The following FKBP5 variants were observed in gnomAD, a reference collection of about 807,000 sequenced individuals.
FKBP5 encodes the protein FKBP prolyl isomerase 5.
A neutral mutation model predicts 50.5 loss-of-function variants in FKBP5; 23 were observed. The observed-to-expected ratio is 0.46, with a 90% CI of 0.33 to 0.65. The LOEUF is 0.65. Among genes scored for constraint, FKBP5 ranks in the 30% least tolerant of loss-of-function variants. FKBP5 has a pLI of 0.02. For missense variants in FKBP5, 411 were observed against 553.1 expected, an observed-to-expected ratio of 0.74 and a Z score of 2.58; for synonymous variants, 176 against 190.6, an observed-to-expected ratio of 0.92 and a Z score of 0.63.
In FKBP5 at chr6:35,577,616, C is replaced by T. The variant is rs186618947; in HGVS notation, c.1027-383G>A. ...GTTTGGTTACTAGCATGTGGACAAA[C>T]AGCTCAGTGGAACAGAACGAATCAT... On this transcript the variant is annotated intron_variant, in intron 9 of 10. Coordinates refer to ENST00000357266, the MANE Select transcript of FKBP5 (RefSeq NM_004117.4). Among the ~76,000 whole-genome samples, 25 of 152,326 alleles carry T rather than the reference C, an allele frequency of 1.6e-4. No individual in the cohort carries two copies. The East Asian group carries it at 3.9e-3, about 23-fold the overall frequency.
At chr6:35,616,092 C>T (rs926826065) in intron 5 of FKBP5, among the ~76,000 whole-genome samples, 1 of 152,084 alleles carries the variant, frequency 6.6e-6, no homozygotes, top group African/African-American at 2.4e-5. Flanking sequence ...GCGGGTGTAT[C>T]ACCCAAGGTC....
intron 2 of FKBP5, among the ~76,000 whole-genome samples, chr6:35,716,200 C>T (rs1056802593): frequency 2.6e-5 from 4 of 151,840 alleles, no homozygotes; most frequent in African/African-American, 7.3e-5. Flanking sequence ...AGGGAGACCT[C>T]GTTTCTAAAA....
chr6:35,626,255 T>C (rs947643904), intron 3 of FKBP5, among the ~76,000 whole-genome samples: 2 of 152,208 alleles, frequency 1.3e-5, no homozygotes, highest in African/African-American at 2.4e-5. Context: ...TATGTAACTA[T>C]AGGCAGGTGA....
rs967496254 is a variant in FKBP5 at position 35,580,893 on chromosome 6, A to G, written c.841-672T>C. 19 of 985,240 alleles carry G rather than the reference A, an allele frequency of 1.9e-5. No individual in the cohort carries two copies. The African/African-American group carries it at 3.3e-4, about 17-fold the overall frequency. 61.0% of individuals were successfully genotyped at this position (985,240 alleles called of 1,614,324 possible). On this transcript the variant is annotated intron_variant, in intron 8 of 10. Coordinates refer to ENST00000357266, the MANE Select transcript of FKBP5 (RefSeq NM_004117.4). ...GAGCAGTTTTAGACTATGCCACTAA[A>G]AAAATGAAAAGGAAGTTACTTTTCT...
At chr6:35,625,641 C>A (rs1214350726) in intron 3 of FKBP5, among the ~76,000 whole-genome samples, 2 of 148,956 alleles carry the variant, frequency 1.3e-5, no homozygotes, top group African/African-American at 2.5e-5. Context: ...GAGGCTGAGG[C>A]AGGAGAATGG....
At chr6:35,636,488 T>G (rs1271533968) in intron 3 of FKBP5, among the ~76,000 whole-genome samples, 1 of 152,228 alleles carries the variant, frequency 6.6e-6, no homozygotes. Context: ...TACTTTTCCT[T>G]GAGACAACCA....
Position 35,659,644 on chromosome 6 carries a change from C to T in FKBP5, c.-19-16801G>A, listed in dbSNP as rs1765041559. The stretch of plus-strand genomic sequence containing the variant: ...CTTTCAAGGAATTTGCACATTTCAT[C>T]TAGCTGTCTAATGTATTACTATAAA... On this transcript the variant is annotated intron_variant, in intron 1 of 10. Coordinates refer to ENST00000357266, the MANE Select transcript of FKBP5 (RefSeq NM_004117.4). Among the ~76,000 whole-genome samples, 2 of 85,094 alleles carry T rather than the reference C, an allele frequency of 2.4e-5. 1 individual carries two copies. The highest frequency in any genetic ancestry group is 5.4e-5 in the Non-Finnish European group (2 of 36,782). 55.8% of individuals were successfully genotyped at this position (85,094 alleles called of 152,430 possible). A position where few individuals can be genotyped will look rare whatever the true frequency, so the allele number is the denominator to read the frequency against.
chr6:35,627,221 C>T (rs926442664), intron 3 of FKBP5, among the ~76,000 whole-genome samples: 4 of 152,142 alleles, frequency 2.6e-5, no homozygotes, highest in Non-Finnish European at 5.9e-5. Flanking sequence ...TTGCATTTCC[C>T]TAATGATTAG....
intron 7 of FKBP5, 125 bp from the exon 8 acceptor site, chr6:35,587,242 T>C: frequency 6.9e-6 from 6 of 868,776 alleles, no homozygotes. Flanking sequence ...GCTGTTGAAA[T>C]TGTGTGTCAG....
chr6:35,711,359 T>C (rs1157792267), intron 2 of FKBP5, among the ~76,000 whole-genome samples: 2 of 148,818 alleles, frequency 1.3e-5, no homozygotes, highest in Non-Finnish European at 3.0e-5. Context: ...TGGGTCATGC[T>C]GTAATCCTAA....
chr6:35,704,984 A>G (rs1766265224), intron 2 of FKBP5, among the ~76,000 whole-genome samples: 1 of 151,130 alleles, frequency 6.6e-6, no homozygotes, highest in East Asian at 2.0e-4. Context: ...TACTAAAAAT[A>G]CAAAAAATTA....
intron 8 of FKBP5, chr6:35,582,341 A>C: frequency 1.0e-6 from 1 of 955,668 alleles, no homozygotes; most frequent in Non-Finnish European, 1.2e-6. Context: ...TCCTATGTTG[A>C]AGCCCTCACC....
chr6:35,667,092 T>C (rs966694617), intron 1 of FKBP5, among the ~76,000 whole-genome samples: 17 of 151,970 alleles, frequency 1.1e-4, no homozygotes, highest in Admixed American at 9.9e-4. Flanking sequence ...AAAAATCAGT[T>C]TATTAAATTT....
chr6:35,684,499 CAGCCTTGATTA>C (rs1303858844), intron 1 of FKBP5, among the ~76,000 whole-genome samples: 1 of 152,074 alleles, frequency 6.6e-6, no homozygotes, highest in Non-Finnish European at 1.5e-5. Context: ...AGAAGAAAAA[CAGCCTTGATTA>C]AGCCTTGATT....
chr6:35,687,740 G>T (rs768439425), intron 1 of FKBP5, among the ~76,000 whole-genome samples: 1 of 152,158 alleles, frequency 6.6e-6, no homozygotes, highest in South Asian at 2.1e-4. Flanking sequence ...AGAATTTACT[G>T]AACGGCGGCC....
At chr6:35,641,064 G>A (rs1398842595) in intron 2 of FKBP5, among the ~76,000 whole-genome samples, 2 of 152,112 alleles carry the variant, frequency 1.3e-5, no homozygotes, top group Non-Finnish European at 2.9e-5. Flanking sequence ...CTGCAGCTTG[G>A]AACTCCCAGG....
chr6:35,721,412 T>C (rs1766608099), intron 1 of FKBP5, among the ~76,000 whole-genome samples: 1 of 152,006 alleles, frequency 6.6e-6, no homozygotes. Flanking sequence ...GTTGCTGAAC[T>C]TGATTTTTTT....
intron 1 of FKBP5, among the ~76,000 whole-genome samples, chr6:35,667,478 C>G (rs1347039160): frequency 6.6e-6 from 1 of 152,100 alleles, no homozygotes; most frequent in African/African-American, 2.4e-5. Flanking sequence ...CAAAAAGAAT[C>G]CTTAAAATGA....
intron 5 of FKBP5, among the ~76,000 whole-genome samples, chr6:35,603,857 C>T (rs1474415045): frequency 6.6e-6 from 1 of 152,106 alleles, no homozygotes. Context: ...AGGCCCGCAC[C>T]ACCATGCCCA....
Sources: gnomAD v4.1 joint callset for allele counts (sites outside exome capture counted in the v4.1 genomes callset) on GRCh38, gnomAD v4.1.1 for gene constraint, MANE v1.5 for transcripts, NCBI Gene and HGNC (gene_info 2026-07-23, HGNC 2026-07-21) for gene names.